GALNT13: variants seen among roughly 807,000 people sequenced by gnomAD.
GALNT13 encodes the protein UDP-GalNAc:polypeptide N-acetylgalactosaminyltransferase 13.
GALNT13 carries 28 observed loss-of-function variants against 64.2 expected under a neutral mutation model. That is an observed-to-expected ratio of 0.44 (90% confidence interval 0.32 to 0.60). The LOEUF is 0.60. Ranked by LOEUF, GALNT13 falls within the 20% of genes least tolerant of loss-of-function variation. GALNT13 has a pLI of 0.05. For missense variants in GALNT13, 577 were observed against 669.8 expected (o/e 0.86, Z 1.53); for synonymous variants, 214 against 224.6 (o/e 0.95, Z 0.42).
At chr2:153,900,369 G>A (rs1688157165) in intron 1 of GALNT13, among the ~76,000 whole-genome samples, 1 of 152,062 alleles carries the variant, frequency 6.6e-6, no homozygotes, top group Non-Finnish European at 1.5e-5. Flanking sequence ...ACAGAGAATG[G>A]AACTGTTTGT....
chr2:153,183,586 GC>G, the GALNT13 span, among the ~76,000 whole-genome samples: 4 of 152,074 alleles, frequency 2.6e-5, no homozygotes, highest in Non-Finnish European at 5.9e-5. Flanking sequence ...TTTCTTCTAG[GC>G]TTTTTATAGT....
the GALNT13 span, among the ~76,000 whole-genome samples, chr2:153,339,029 G>T: frequency 6.0e-3 from 910 of 152,234 alleles, 8 homozygotes; most frequent in African/African-American, 0.02. Context: ...TCTGTTGATG[G>T]ACACTTAGGT....
At chr2:153,456,514 G>A in the GALNT13 span, among the ~76,000 whole-genome samples, 1 of 152,146 alleles carries the variant, frequency 6.6e-6, no homozygotes, top group African/African-American at 2.4e-5. Context: ...ACTTGAAGTG[G>A]CTTCCTGAGA....
At chr2:154,339,963 CCA>C (rs1695668084) in intron 9 of GALNT13, among the ~76,000 whole-genome samples, 1 of 151,982 alleles carries the variant, frequency 6.6e-6, no homozygotes, top group Non-Finnish European at 1.5e-5. Flanking sequence ...ATGTTTTCTA[CCA>C]CAGAGGTATT....
At chr2:153,867,392 AT>A (rs11332880), upstream of GALNT13, among the ~76,000 whole-genome samples, 63,211 of 151,890 alleles carry the variant, frequency 0.42, 14,080 homozygotes, top group Admixed American at 0.57. Flanking sequence ...TTTGTGGTGC[AT>A]GAGTTGAAAA....
chr2:153,291,457 A>G, the GALNT13 span, among the ~76,000 whole-genome samples: 3 of 152,144 alleles, frequency 2.0e-5, no homozygotes, highest in African/African-American at 7.2e-5. Context: ...AAACAATAGT[A>G]ATATTTTCAA....
intron 9 of GALNT13, among the ~76,000 whole-genome samples, chr2:154,323,171 C>T (rs1190980381): frequency 6.6e-6 from 1 of 151,382 alleles, no homozygotes; most frequent in East Asian, 1.9e-4. Flanking sequence ...TGACTTCTGC[C>T]TGTCATCCTA....
At chr2:153,861,877 C>T in the GALNT13 span, among the ~76,000 whole-genome samples, 6 of 152,282 alleles carry the variant, frequency 3.9e-5, no homozygotes, top group East Asian at 1.9e-4. Flanking sequence ...TCGTGCCCAG[C>T]CTCCTTTCTT....
chr2:153,225,049 A>G, the GALNT13 span, among the ~76,000 whole-genome samples: 1 of 152,220 alleles, frequency 6.6e-6, no homozygotes, highest in African/African-American at 2.4e-5. Flanking sequence ...CTGCAGATCA[A>G]TATCTCTCAT....
the GALNT13 span, among the ~76,000 whole-genome samples, chr2:153,612,633 A>AAC: frequency 1.1e-4 from 11 of 99,570 alleles, no homozygotes; most frequent in Non-Finnish European, 2.5e-4. Context: ...ATAAGAAAAC[A>AAC]AAGAAAAAAA....
At chr2:154,285,339 T>G (rs1348090019) in intron 8 of GALNT13, among the ~76,000 whole-genome samples, 1 of 152,182 alleles carries the variant, frequency 6.6e-6, no homozygotes, top group Non-Finnish European at 1.5e-5. Flanking sequence ...TTGAGTAACT[T>G]TACAGTTTCA....
intron 4 of GALNT13, among the ~76,000 whole-genome samples, chr2:154,192,194 C>T (rs1297764755): frequency 6.6e-6 from 1 of 152,184 alleles, no homozygotes; most frequent in Non-Finnish European, 1.5e-5. Flanking sequence ...TTTCTCTCCA[C>T]GTCCAGCCAC....
chr2:153,427,937 A>G, the GALNT13 span, among the ~76,000 whole-genome samples: 53 of 152,174 alleles, frequency 3.5e-4, no homozygotes, highest in Admixed American at 3.4e-3. Flanking sequence ...CTAGTACTTA[A>G]TATTGTTAAG....
intron 8 of GALNT13, among the ~76,000 whole-genome samples, chr2:154,278,702 G>A (rs1258222112): frequency 1.3e-5 from 2 of 152,044 alleles, no homozygotes; most frequent in African/African-American, 2.4e-5. Flanking sequence ...TCAGGAAGTA[G>A]GAATAATGTA....
the GALNT13 span, among the ~76,000 whole-genome samples, chr2:153,503,214 C>A: frequency 6.6e-6 from 1 of 152,070 alleles, no homozygotes; most frequent in South Asian, 2.1e-4. Context: ...GGTTTCAGTT[C>A]TTATATTGAA....
At chr2:153,069,262 G>C in the GALNT13 span, among the ~76,000 whole-genome samples, 3 of 152,128 alleles carry the variant, frequency 2.0e-5, no homozygotes, top group Non-Finnish European at 4.4e-5. Context: ...TCACTTTTCT[G>C]TTGTCCTTTC....
chr2:153,366,150 C>A, the GALNT13 span, among the ~76,000 whole-genome samples: 1 of 152,122 alleles, frequency 6.6e-6, no homozygotes. Context: ...AACAGGAAAA[C>A]CAAACACTGC....
chr2:154,346,407 A>G (rs1696069448), intron 9 of GALNT13, among the ~76,000 whole-genome samples: 1 of 151,972 alleles, frequency 6.6e-6, no homozygotes, highest in Non-Finnish European at 1.5e-5. Context: ...CCCAAGTCTC[A>G]TCTTGAATTG....
chr2:154,114,253 G>T (rs375372750), intron 3 of GALNT13, among the ~76,000 whole-genome samples: 8 of 152,116 alleles, frequency 5.3e-5, no homozygotes, highest in Non-Finnish European at 8.8e-5. Flanking sequence ...CCAGTTAGGG[G>T]GCCAATGTGG....
Sources: gnomAD v4.1 joint callset for allele counts (sites outside exome capture counted in the v4.1 genomes callset) on GRCh38, gnomAD v4.1.1 for gene constraint, MANE v1.5 for transcripts, NCBI Gene and HGNC (gene_info 2026-07-23, HGNC 2026-07-21) for gene names.